The following EFHD2 variants were observed in gnomAD, a reference collection of about 807,000 sequenced individuals.
The protein encoded by EFHD2 is EF-hand domain-containing protein D2.
Under a neutral mutation model 20.3 loss-of-function variants are expected in EFHD2, and 12 were observed. The ratio of observed to expected loss-of-function variants is 0.59; its 90% CI spans 0.38 to 0.96. The LOEUF is 0.96. Among genes scored for constraint, EFHD2 ranks in the 40% least tolerant of loss-of-function variants. The probability of loss-of-function intolerance (pLI) is 0.00; values close to 1 mark genes in which losing one functional copy is unlikely to be tolerated. For missense variants in EFHD2, 250 were observed against 334.3 expected, an observed-to-expected ratio of 0.75 and a Z score of 1.97; for synonymous variants, 131 against 143.9, an observed-to-expected ratio of 0.91 and a Z score of 0.64.
intron 1 of EFHD2, among the ~76,000 whole-genome samples, chr1:15,424,646 T>TGCCTCCTGCCCCC (rs1294216803): frequency 6.6e-6 from 1 of 152,198 alleles, no homozygotes; most frequent in African/African-American, 2.4e-5. Flanking sequence ...CACCTGGCCC[T>TGCCTCCTGCCCCC]GCCTCCTGCC....
intron 1 of EFHD2, among the ~76,000 whole-genome samples, chr1:15,414,446 C>T (rs1373543317): frequency 6.6e-6 from 1 of 152,294 alleles, no homozygotes; most frequent in East Asian, 1.9e-4. Flanking sequence ...GTTCCTCACG[C>T]TGGAACAGCG....
chr1:15,421,924 T>C (rs1397528887), intron 1 of EFHD2, among the ~76,000 whole-genome samples: 1 of 151,978 alleles, frequency 6.6e-6, no homozygotes, highest in Non-Finnish European at 1.5e-5. Flanking sequence ...GTTTTAGCGG[T>C]GGTGACTGCC....
In EFHD2 at chr1:15,427,177, G is replaced by T. The variant is rs1348896138; in HGVS notation, c.484G>T (p.Ala162Ser). 1 of 1,610,744 alleles carries T rather than the reference G, an allele frequency of 6.2e-7. No homozygotes were observed. Among genetic ancestry groups the T allele is most frequent in the Non-Finnish European group, 8.5e-7 (1 of 1,178,782 alleles). ...EFLLIFRKAA[A>S]GELQEDSGLC... is the part of the protein sequence containing the mutation. ...CCTCCTGATCTTCCGCAAGGCGGCGGCCGGGGAGCTTCAGGAGGACAGCGG... is the reference window on the plus strand; with the variant it reads ...CCTCCTGATCTTCCGCAAGGCGGCGTCCGGGGAGCTTCAGGAGGACAGCGG... Residue 162 changes from alanine to serine, a missense_variant, in exon 3 of 4, where the codon GCC becomes TCC. Physicochemically the swap from Ala to Ser is moderately conservative, Grantham distance 99. Around this residue, in one of 3 missense-constraint regions of EFHD2, gnomAD observed 100 missense variants for 116.2 expected, o/e 0.86. Transcript: ENST00000375980.
chr1:15,410,158 G>T lies in EFHD2; in HGVS notation c.187G>T (p.Ala63Ser), dbSNP rs1439711827. ...GCTGAGCGCCAAGCTGCTGCGGCGCGCAGACCTCAACCAGGGCATCGGCGA... is the reference window on the plus strand; with the variant it reads ...GCTGAGCGCCAAGCTGCTGCGGCGCTCAGACCTCAACCAGGGCATCGGCGA... ...CELSAKLLRR[A>S]DLNQGIGEPQ... The change falls in exon 1 of 4, where the codon GCA becomes TCA. Residue 63 changes from alanine (A) to serine (S), a missense_variant. Transcript: ENST00000375980. 3 of 1,601,512 alleles carry T rather than the reference G, an allele frequency of 1.9e-6. No homozygotes were observed. Among genetic ancestry groups the T allele is most frequent in the East Asian group, 2.3e-5 (1 of 43,396 alleles).
intron 1 of EFHD2, among the ~76,000 whole-genome samples, chr1:15,424,598 C>T (rs1012410118): frequency 5.9e-5 from 9 of 152,252 alleles, no homozygotes; most frequent in African/African-American, 1.4e-4. Context: ...GCAGGCACTG[C>T]ACCACACGTC....
At chr1:15,421,747 G>C (rs1047655420) in intron 1 of EFHD2, among the ~76,000 whole-genome samples, 1 of 152,238 alleles carries the variant, frequency 6.6e-6, no homozygotes, top group South Asian at 2.1e-4. Flanking sequence ...GGAGAGACAC[G>C]TGGGACCCAG....
intron 1 of EFHD2, among the ~76,000 whole-genome samples, chr1:15,420,829 T>A (rs1193236545): frequency 1.3e-5 from 2 of 152,112 alleles, no homozygotes; most frequent in Admixed American, 6.5e-5. Flanking sequence ...TTTATTTTTT[T>A]ATAGAGATGT....
intron 1 of EFHD2, among the ~76,000 whole-genome samples, chr1:15,418,368 C>T (rs561952811): frequency 5.1e-5 from 7 of 137,420 alleles, no homozygotes; most frequent in East Asian, 2.1e-4. Flanking sequence ...TGCAGTGGCG[C>T]GATCTCGGCT....
rs1441457084 is a variant in EFHD2 at position 15,417,984 on chromosome 1, T to TTTC, written c.308+7707_308+7708insCTT. Among the ~76,000 whole-genome samples, 765 of 95,614 alleles carry TTTC rather than the reference T, an allele frequency of 8.0e-3. 25 individuals are homozygous for TTTC. Among genetic ancestry groups the TTTC allele is most frequent in the East Asian group, 0.015 (58 of 3,882 alleles). 62.7% of individuals were successfully genotyped at this position (95,614 alleles called of 152,430 possible). ...AGGAGCAACTTTCTTTCTTTTTCTT[T>TTTC]TTTTTTTTTTTTTTTTTTTTTTTGA... On this transcript the variant is annotated intron_variant, in intron 1 of 3. Transcript: ENST00000375980.
intron 1 of EFHD2, among the ~76,000 whole-genome samples, chr1:15,415,568 A>G (rs1168250770): frequency 1.3e-5 from 2 of 149,164 alleles, no homozygotes; most frequent in Non-Finnish European, 3.0e-5. Flanking sequence ...GGCTCACTGC[A>G]GCCTTCGTCT....
chr1:15,413,454 G>A lies in EFHD2; in HGVS notation c.308+3175G>A, dbSNP rs1441289071. Among the ~76,000 whole-genome samples the A allele has an allele frequency of 6.6e-6, 1 of 152,156 alleles. No individual in the cohort carries two copies. Among genetic ancestry groups the A allele is most frequent in the Non-Finnish European group, 1.5e-5 (1 of 68,024 alleles). ...CCTGCGTATGTCTGAGGGGTCCTGA[G>A]CCCTTCTGGATATTGGAACTGCCTT... is the stretch of plus-strand genomic sequence containing the variant. On this transcript the variant is annotated intron_variant, in intron 1 of 3. Coordinates refer to ENST00000375980, the MANE Select transcript of EFHD2 (RefSeq NM_024329.6). This position sits in a 1 kb window ranked among gnomAD's most constrained non-coding sequence, Gnocchi z 4.4.
At chr1:15,427,324 CAA>C (rs1422420433) in intron 3 of EFHD2, 40 bp downstream of exon 3, 2 of 1,581,372 alleles carry the variant, frequency 1.3e-6, no homozygotes, top group East Asian at 4.6e-5. Flanking sequence ...CGCTCCAGGA[CAA>C]GGGGACCCTG....
rs751369835 is a variant in EFHD2, at chr1:15,410,219, A to G, written c.248A>G (p.Tyr83Cys). The change falls in exon 1 of 4, where the codon TAC becomes TGC. Residue 83 changes from tyrosine to cysteine, a missense_variant. Coordinates refer to ENST00000375980, the MANE Select transcript of EFHD2 (RefSeq NM_024329.6). ...CCCAGCCGCCGCGTCTTCAACCCCT[A>G]CACCGAGTTCAAGGAGTTCTCCAGG... ...QSPSRRVFNP[Y>C]TEFKEFSRKQ... The G allele has an allele frequency of 6.2e-7, 1 of 1,606,252 alleles. No homozygotes were observed. Among genetic ancestry groups the G allele is most frequent in the East Asian group, 2.3e-5 (1 of 43,960 alleles).
At chr1:15,427,599 C>T (rs1448456115) in intron 3 of EFHD2, among the ~76,000 whole-genome samples, 1 of 152,334 alleles carries the variant, frequency 6.6e-6, no homozygotes. Context: ...GGAGGGCAGG[C>T]CCAGAAACAC....
chr1:15,420,433 C>T (rs2103276018), intron 1 of EFHD2, among the ~76,000 whole-genome samples: 1 of 152,316 alleles, frequency 6.6e-6, no homozygotes, highest in South Asian at 2.1e-4. Flanking sequence ...CCTCAACCTC[C>T]CGGGCTAAAG....
rs77257112 is a variant in EFHD2, at chr1:15,412,762, G to C, written c.308+2483G>C. Among the ~76,000 whole-genome samples the C allele has an allele frequency of 7.8e-3, 1,195 of 152,330 alleles. 16 individuals are homozygous for C. Among genetic ancestry groups the C allele is most frequent in the African/African-American group, 0.026 (1,077 of 41,572 alleles). The stretch of plus-strand genomic sequence containing the variant: ...GTGGTTGGAAGTGGCATGCAGCTGA[G>C]GGAACAGTCTGGAAGCTTCATTTGC... On this transcript the variant is annotated intron_variant, in intron 1 of 3. Transcript: ENST00000375980.
rs1370184183 is a variant in EFHD2 at position 15,413,052 on chromosome 1, G to A, written c.308+2773G>A. ...GAAACAACGCTTCACTGTGCCAACC[G>A]AGCCCAACCCCGCCGCCAACAGACG... On this transcript the variant is annotated intron_variant, in intron 1 of 3. Coordinates refer to ENST00000375980, the MANE Select transcript of EFHD2 (RefSeq NM_024329.6). This position sits in a 1 kb window ranked among gnomAD's most constrained non-coding sequence, Gnocchi z 4.4. Among the ~76,000 whole-genome samples, 9 of 152,178 alleles carry A rather than the reference G, an allele frequency of 5.9e-5. No individual in the cohort carries two copies. Among genetic ancestry groups the A allele is most frequent in the Non-Finnish European group, 5.9e-5 (4 of 68,030 alleles).
chr1:15,428,729 G>C lies in EFHD2; in HGVS notation c.*5G>C. ...CTGCAGTCCACCTTTAAGTAGCGGGGGCTGCAGCCGACCGCCCTGCTCCGG... is the reference window on the plus strand; with the variant it reads ...CTGCAGTCCACCTTTAAGTAGCGGGCGCTGCAGCCGACCGCCCTGCTCCGG... On this transcript the variant is annotated 3_prime_UTR_variant, in exon 4 of 4. Coordinates refer to ENST00000375980, the MANE Select transcript of EFHD2 (RefSeq NM_024329.6). 6.3e-7 allele frequency: 1 copy of C among 1,574,844 alleles called. No homozygotes were observed. Among genetic ancestry groups the C allele is most frequent in the South Asian group, 1.2e-5 (1 of 86,266 alleles).
chr1:15,418,455 A>T (rs60610707), intron 1 of EFHD2, among the ~76,000 whole-genome samples: 3 of 150,188 alleles, frequency 2.0e-5, no homozygotes, highest in South Asian at 2.1e-4. Flanking sequence ...ACAGGCGCCC[A>T]CCATCACGCC....
Sources: allele counts gnomAD v4.1 joint callset (sites outside exome capture counted in the v4.1 genomes callset), GRCh38; gene constraint gnomAD v4.1.1; regional missense constraint gnomAD v4.1.1; non-coding constraint Gnocchi (gnomAD v3.1); transcripts MANE v1.5; gene names NCBI Gene and HGNC (gene_info 2026-07-23, HGNC 2026-07-21).